TMEM132B: variants seen among roughly 807,000 people sequenced by gnomAD.
The protein encoded by TMEM132B is transmembrane protein 132B.
In TMEM132B, 18 loss-of-function variants were observed where a neutral mutation model predicts 90.8. The ratio of observed to expected loss-of-function variants is 0.20; its 90% CI spans 0.14 to 0.29. The LOEUF (loss-of-function observed/expected upper bound fraction) is 0.29. Ranked by LOEUF, TMEM132B falls within the 10% of genes least tolerant of loss-of-function variation. The pLI is 1.00. For missense variants in TMEM132B, 1,096 were observed against 1,326.8 expected (o/e 0.83, Z 2.70); for synonymous variants, 504 against 523.3 (o/e 0.96, Z 0.50).
intron 2 of TMEM132B, among the ~76,000 whole-genome samples, chr12:125,386,518 C>G (rs1031952439): frequency 6.6e-6 from 1 of 152,184 alleles, no homozygotes; most frequent in East Asian, 1.9e-4. Flanking sequence ...TTAGTAGATT[C>G]TTTTTGCATT....
At chr12:125,573,049 A>G (rs911312390) in intron 4 of TMEM132B, among the ~76,000 whole-genome samples, 3 of 152,160 alleles carry the variant, frequency 2.0e-5, no homozygotes, top group African/African-American at 7.2e-5. Flanking sequence ...TATCAGGCTC[A>G]TGTTCTTGTA....
intron 1 of TMEM132B, among the ~76,000 whole-genome samples, chr12:125,198,654 C>T (rs1245801670): frequency 6.6e-6 from 1 of 152,186 alleles, no homozygotes; most frequent in Non-Finnish European, 1.5e-5. Context: ...GAATTAGAAC[C>T]ACGTTGCCAG....
chr12:125,609,024 GCAGCAGGGGAGAAAAATGAGAGC>G (rs1885763243), intron 5 of TMEM132B, among the ~76,000 whole-genome samples: 1 of 152,176 alleles, frequency 6.6e-6, no homozygotes, highest in Non-Finnish European at 1.5e-5. Context: ...TTTTCACAGA[GCAGCAGGGGAGAAAAATGAGAGC>G]CAGCAGGGGA....
intron 1 of TMEM132B, among the ~76,000 whole-genome samples, chr12:125,297,814 G>A (rs904699961): frequency 5.9e-5 from 9 of 152,144 alleles, no homozygotes; most frequent in African/African-American, 2.2e-4. Flanking sequence ...GAGCCCTGGG[G>A]TGGCTCATGG....
At chr12:125,194,166 A>G (rs1872868660) in intron 1 of TMEM132B, among the ~76,000 whole-genome samples, 1 of 152,082 alleles carries the variant, frequency 6.6e-6, no homozygotes, top group African/African-American at 2.4e-5. Context: ...GCCCTAAAAT[A>G]GTTACATAAA....
chr12:125,195,324 C>T (rs1386379203), intron 1 of TMEM132B, among the ~76,000 whole-genome samples: 13 of 151,158 alleles, frequency 8.6e-5, no homozygotes, highest in Non-Finnish European at 1.9e-4. Flanking sequence ...CGTTCATTAC[C>T]TGGTGGTCTG....
chr12:125,373,415 C>T (rs1252175876), intron 2 of TMEM132B, among the ~76,000 whole-genome samples: 1 of 152,078 alleles, frequency 6.6e-6, no homozygotes, highest in Admixed American at 6.6e-5. Context: ...AATCCGATAC[C>T]TTCTGAGAAA....
chr12:125,347,284 A>G (rs1877394830), intron 1 of TMEM132B, among the ~76,000 whole-genome samples: 1 of 152,200 alleles, frequency 6.6e-6, no homozygotes, highest in Non-Finnish European at 1.5e-5. Flanking sequence ...AATAATAAGT[A>G]TATTTAGGTA....
intron 1 of TMEM132B, among the ~76,000 whole-genome samples, chr12:125,347,450 A>T (rs1430671948): frequency 6.6e-6 from 1 of 152,178 alleles, no homozygotes; most frequent in Non-Finnish European, 1.5e-5. Context: ...CTTTTTCACA[A>T]TCTAGTTACG....
At chr12:125,211,669 C>A (rs1258559809) in intron 1 of TMEM132B, among the ~76,000 whole-genome samples, 1 of 152,258 alleles carries the variant, frequency 6.6e-6, no homozygotes, top group Non-Finnish European at 1.5e-5. Context: ...CGCCCTCATT[C>A]CTTCCACCCG....
At chr12:125,295,403 A>G (rs1333966340) in intron 1 of TMEM132B, among the ~76,000 whole-genome samples, 1 of 152,170 alleles carries the variant, frequency 6.6e-6, no homozygotes, top group Non-Finnish European at 1.5e-5. Flanking sequence ...GAACGTGGAC[A>G]TGAAATGATG....
At chr12:125,350,731 C>A (rs933078989) in intron 2 of TMEM132B, among the ~76,000 whole-genome samples, 2 of 152,218 alleles carry the variant, frequency 1.3e-5, no homozygotes, top group African/African-American at 2.4e-5. Context: ...ATTGTCTTTG[C>A]TGATGATTCT....
In TMEM132B at chr12:125,213,143, G is replaced by A. The variant is rs2047713462; in HGVS notation, c.67+26277G>A. Among the ~76,000 whole-genome samples, 1 of 152,144 alleles carries A rather than the reference G, an allele frequency of 6.6e-6. No homozygotes were observed. Among genetic ancestry groups the A allele is most frequent in the South Asian group, 2.1e-4 (1 of 4,834 alleles). ...TCTATTCTATGGATGTGCTGGTTCT[G>A]GCTATTTAATACAAATGCAGTCTTA... On this transcript the variant is annotated intron_variant, in intron 1 of 8. Transcript: ENST00000682704. The surrounding 1 kb of genome is among the most constrained non-coding windows in gnomAD (Gnocchi z 4.2).
At chr12:125,536,529 G>A (rs1883801163) in intron 4 of TMEM132B, among the ~76,000 whole-genome samples, 1 of 152,182 alleles carries the variant, frequency 6.6e-6, no homozygotes. Flanking sequence ...GTAATATGGA[G>A]TCAATGATGG....
rs77986445 is a variant in TMEM132B at position 125,614,031 on chromosome 12, A to G, written c.1437+30037A>G. 8.1e-3 allele frequency among the ~76,000 whole-genome samples: 1,235 copies of G among 152,232 alleles called. 41 individuals are homozygous for G. The highest frequency in any genetic ancestry group is 0.058 in the East Asian group (303 of 5,186). On this transcript the variant is annotated intron_variant, in intron 5 of 8. Coordinates refer to ENST00000682704, the MANE Select transcript of TMEM132B (RefSeq NM_001366854.1). ...TATAATTGTATACATACTGTTTTAT[A>G]TTATTGATTTTAAAGCAGTTAAGAA...
chr12:125,299,042 T>G (rs1211994527), intron 1 of TMEM132B, among the ~76,000 whole-genome samples: 1 of 152,082 alleles, frequency 6.6e-6, no homozygotes, highest in Non-Finnish European at 1.5e-5. Flanking sequence ...CCATCACTTG[T>G]TTTTTAGAGA....
intron 4 of TMEM132B, among the ~76,000 whole-genome samples, chr12:125,538,361 TC>T (rs10715201): frequency 0.02 from 3,010 of 152,268 alleles, 49 homozygotes; most frequent in South Asian, 0.034. Flanking sequence ...AACTCTGGTC[TC>T]TGTTGGGCGG....
chr12:125,368,826 A>G (rs1025134801), intron 2 of TMEM132B, among the ~76,000 whole-genome samples: 1 of 151,866 alleles, frequency 6.6e-6, no homozygotes, highest in African/African-American at 2.4e-5. Flanking sequence ...TTTACATTCA[A>G]TTTGTTCCAT....
intron 4 of TMEM132B, among the ~76,000 whole-genome samples, chr12:125,552,653 G>C (rs567865215): frequency 6.6e-6 from 1 of 152,244 alleles, no homozygotes; most frequent in Non-Finnish European, 1.5e-5. Flanking sequence ...AGCTTTTCCA[G>C]AATGTCACTG....
Sources: allele counts gnomAD v4.1 joint callset (sites outside exome capture counted in the v4.1 genomes callset), GRCh38; gene constraint gnomAD v4.1.1; non-coding constraint Gnocchi (gnomAD v3.1); transcripts MANE v1.5; gene names NCBI Gene and HGNC (gene_info 2026-07-23, HGNC 2026-07-21).